Variants in LRRC37A2 observed in about 807,000 individuals in gnomAD.
The protein encoded by LRRC37A2 is leucine-rich repeat-containing protein 37A2.
LRRC37A2 carries 9 observed loss-of-function variants against 68.8 expected under a neutral mutation model. That is an observed-to-expected ratio of 0.13 (90% CI 0.08 to 0.23). LRRC37A2 has a LOEUF of 0.23. LRRC37A2 is among the 10% of genes least tolerant of loss of function. The pLI, the probability that LRRC37A2 is intolerant of heterozygous loss-of-function variation, is 1.00. For missense variants in LRRC37A2, 168 were observed against 950.4 expected, an observed-to-expected ratio of 0.18 and a Z score of 10.82; for synonymous variants, 63 against 367.6, an observed-to-expected ratio of 0.17 and a Z score of 9.48.
At chr17:46,790,561 T>TC in the LRRC37A2 span, among the ~76,000 whole-genome samples, 2 of 151,780 alleles carry the variant, frequency 1.3e-5, 1 homozygote, top group South Asian at 4.2e-4. Flanking sequence ...TCCTCTGCCC[T>TC]CCCCCTGGGC....
chr17:46,992,198 C>CTAAA, the LRRC37A2 span, among the ~76,000 whole-genome samples: 10,284 of 143,844 alleles, frequency 0.071, 577 homozygotes, highest in Middle Eastern at 0.11. Context: ...CCCATCTCTA[C>CTAAA]TAAATAAATA....
chr17:46,871,210 C>T, the LRRC37A2 span, among the ~76,000 whole-genome samples: 1 of 152,158 alleles, frequency 6.6e-6, no homozygotes, highest in African/African-American at 2.4e-5. Context: ...CCCAGCCCAC[C>T]TTTGATCTTT....
chr17:46,846,740 C>T, the LRRC37A2 span, among the ~76,000 whole-genome samples: 1 of 152,170 alleles, frequency 6.6e-6, no homozygotes, highest in Non-Finnish European at 1.5e-5. Flanking sequence ...GAAGGTGGGT[C>T]CCACACCGTC....
At chr17:46,896,430 G>GAAA in the LRRC37A2 span, among the ~76,000 whole-genome samples, 17 of 103,450 alleles carry the variant, frequency 1.6e-4, no homozygotes, top group Non-Finnish European at 2.7e-4. Flanking sequence ...AAGAAAGAAA[G>GAAA]AAAGAAAGAA....
At chr17:46,904,458 ATGGATGG>A in the LRRC37A2 span, among the ~76,000 whole-genome samples, 1 of 138,740 alleles carries the variant, frequency 7.2e-6, no homozygotes, top group Non-Finnish European at 1.6e-5. Flanking sequence ...GGATGGATGG[ATGGATGG>A]ATGGATGGAT....
the LRRC37A2 span, among the ~76,000 whole-genome samples, chr17:47,000,028 TA>T: frequency 9.8e-3 from 169 of 17,310 alleles, 15 homozygotes; most frequent in African/African-American, 0.013. Context: ...TAAAATAAAA[TA>T]AAATAAAATA....
At chr17:46,456,554 A>G in the LRRC37A2 span, among the ~76,000 whole-genome samples, 7 of 8,096 alleles carry the variant, frequency 8.6e-4, no homozygotes, top group African/African-American at 2.4e-3. Flanking sequence ...TTTTGGCTGT[A>G]TATTCTTGTT....
chr17:46,946,872 A>G, the LRRC37A2 span, among the ~76,000 whole-genome samples: 3 of 152,338 alleles, frequency 2.0e-5, no homozygotes, highest in East Asian at 5.8e-4. Context: ...CAATTTTAAA[A>G]AAACAAAAAT....
At chr17:46,717,527 A>C in the LRRC37A2 span, among the ~76,000 whole-genome samples, 1 of 152,152 alleles carries the variant, frequency 6.6e-6, no homozygotes, top group Non-Finnish European at 1.5e-5. Context: ...CCTGACTAAC[A>C]TGGTGAAACC....
chr17:47,021,060 G>T, the LRRC37A2 span, among the ~76,000 whole-genome samples: 6 of 152,222 alleles, frequency 3.9e-5, no homozygotes, highest in East Asian at 1.9e-4. Context: ...GACCAACGTG[G>T]TTACAAAGAA....
At chr17:46,849,502 T>C in the LRRC37A2 span, among the ~76,000 whole-genome samples, 1 of 152,168 alleles carries the variant, frequency 6.6e-6, no homozygotes, top group African/African-American at 2.4e-5. Flanking sequence ...CCATGGCTCT[T>C]CCTTCTCTCT....
the LRRC37A2 span, chr17:46,955,648 C>A: frequency 2.0e-5 from 3 of 152,328 alleles, no homozygotes; most frequent in East Asian, 5.8e-4. Context: ...GGCTTGGAAT[C>A]CTGTCTGCTC....
the LRRC37A2 span, among the ~76,000 whole-genome samples, chr17:46,982,313 C>G: frequency 1.3e-5 from 2 of 152,178 alleles, no homozygotes; most frequent in African/African-American, 4.8e-5. Context: ...GAGTCCGTAC[C>G]TTGATTGCAT....
chr17:46,823,153 T>TATATATTATATATTATATATTTATATATA, the LRRC37A2 span, among the ~76,000 whole-genome samples: 1 of 100,922 alleles, frequency 9.9e-6, no homozygotes, highest in Non-Finnish European at 1.9e-5. Context: ...TATATATATT[T>TATATATTATATATTATATATTTATATATA]ATATATTATA....
the LRRC37A2 span, among the ~76,000 whole-genome samples, chr17:46,626,008 A>T: frequency 2.1e-4 from 30 of 145,418 alleles, no homozygotes; most frequent in African/African-American, 6.9e-4. Flanking sequence ...TTTTTTTTTT[A>T]TTTACAGGTA....
chr17:46,502,896 G>T, the LRRC37A2 span, among the ~76,000 whole-genome samples: 13 of 150,822 alleles, frequency 8.6e-5, no homozygotes, highest in Admixed American at 6.6e-4. Context: ...GCTGGTCTCC[G>T]TGGTAGCACT....
At chr17:46,933,306 A>G in the LRRC37A2 span, 11 of 152,286 alleles carry the variant, frequency 7.2e-5, no homozygotes, top group African/African-American at 2.6e-4. Flanking sequence ...GCTATAATAC[A>G]TTTTTCTGAG....
chr17:46,726,221 G>C, the LRRC37A2 span, among the ~76,000 whole-genome samples: 3 of 152,142 alleles, frequency 2.0e-5, no homozygotes, highest in Non-Finnish European at 2.9e-5. Context: ...GCTCCATCTA[G>C]CTCTTGAGTC....
At chr17:46,719,351 G>T in the LRRC37A2 span, among the ~76,000 whole-genome samples, 1 of 152,132 alleles carries the variant, frequency 6.6e-6, no homozygotes. This position sits in a 1 kb window ranked among gnomAD's most constrained non-coding sequence, Gnocchi z 4.3. Context: ...AGGGCTGTTA[G>T]GCTTGCTTTA....
Sources: gnomAD v4.1 joint callset for allele counts (sites outside exome capture counted in the v4.1 genomes callset) on GRCh38, gnomAD v4.1.1 for gene constraint, Gnocchi (gnomAD v3.1) non-coding constraint, MANE v1.5 for transcripts, NCBI Gene and HGNC (gene_info 2026-07-23, HGNC 2026-07-21) for gene names.